PTPRD: variants seen among roughly 807,000 people sequenced by gnomAD.
PTPRD encodes receptor-type tyrosine-protein phosphatase delta.
In PTPRD, 34 loss-of-function variants were observed where a neutral mutation model predicts 214.5. The ratio of observed to expected loss-of-function variants is 0.16; its 90% CI spans 0.12 to 0.21. The LOEUF is 0.21. Among genes scored for constraint, PTPRD ranks in the 10% least tolerant of loss-of-function variants. The probability of loss-of-function intolerance (pLI) is 1.00; values close to 1 mark genes in which losing one functional copy is unlikely to be tolerated. For synonymous variants in PTPRD, 1,128 were observed against 845.7 expected, an observed-to-expected ratio of 1.33 and a Z score of -5.79; for missense variants, 2,545 against 2,398.7, an observed-to-expected ratio of 1.06 and a Z score of -1.27.
chr9:9,354,096 T>A (rs1569567645), intron 9 of PTPRD, among the ~76,000 whole-genome samples: 1 of 151,736 alleles, frequency 6.6e-6, no homozygotes. Context: ...GGAATCCCCA[T>A]TTTGGTGAAT....
intron 7 of PTPRD, among the ~76,000 whole-genome samples, chr9:9,673,841 C>G (rs1164930509): frequency 1.3e-5 from 2 of 151,438 alleles, no homozygotes; most frequent in Non-Finnish European, 3.0e-5. Flanking sequence ...GACAGCATAC[C>G]AAAAGATGTA....
At chr9:10,243,480 T>G (rs1175101758) in intron 3 of PTPRD, among the ~76,000 whole-genome samples, 2 of 152,064 alleles carry the variant, frequency 1.3e-5, no homozygotes, top group African/African-American at 2.4e-5. Context: ...TATTTATGGT[T>G]TGAGTCGTCA....
intron 39 of PTPRD, among the ~76,000 whole-genome samples, chr9:8,363,267 C>A (rs1429223262): frequency 6.6e-6 from 1 of 152,082 alleles, no homozygotes; most frequent in Non-Finnish European, 1.5e-5. Context: ...TTTAAAAAAC[C>A]CAGCATCTTC....
chr9:10,580,601 G>C (rs972384500), intron 2 of PTPRD, among the ~76,000 whole-genome samples: 3 of 152,070 alleles, frequency 2.0e-5, no homozygotes, highest in Non-Finnish European at 4.4e-5. Flanking sequence ...CTAGGTGAAA[G>C]AGTATTAATA....
At chr9:8,776,342 G>A (rs778792713) in intron 11 of PTPRD, among the ~76,000 whole-genome samples, 107 of 152,174 alleles carry the variant, frequency 7.0e-4, no homozygotes, top group African/African-American at 1.8e-3. Flanking sequence ...TACTCACATC[G>A]CCCAGGCTGG....
intron 5 of PTPRD, among the ~76,000 whole-genome samples, chr9:9,894,140 T>G (rs2074254119): frequency 6.6e-6 from 1 of 152,176 alleles, no homozygotes; most frequent in East Asian, 1.9e-4. Flanking sequence ...ATATGTCACA[T>G]GAACACCTCT....
intron 8 of PTPRD, among the ~76,000 whole-genome samples, chr9:9,411,775 C>T (rs903628172): frequency 6.6e-6 from 1 of 152,176 alleles, no homozygotes; most frequent in Non-Finnish European, 1.5e-5. Context: ...ATTCACAACA[C>T]AGAGAATTTC....
intron 3 of PTPRD, among the ~76,000 whole-genome samples, chr9:10,078,205 C>T (rs1046586309): frequency 1.3e-5 from 2 of 151,684 alleles, no homozygotes; most frequent in Admixed American, 6.6e-5. Context: ...AATCATAGAT[C>T]TCAGGGTTAG....
At chr9:10,461,591 C>T (rs952055037) in intron 2 of PTPRD, among the ~76,000 whole-genome samples, 3 of 150,656 alleles carry the variant, frequency 2.0e-5, no homozygotes, top group Admixed American at 1.3e-4. Context: ...CAGAAAAAAA[C>T]ATGTTGCATG....
intron 2 of PTPRD, among the ~76,000 whole-genome samples, chr9:10,351,515 T>A (rs1399257409): frequency 1.3e-5 from 2 of 152,044 alleles, no homozygotes; most frequent in Non-Finnish European, 2.9e-5. Context: ...ATGAAGTGAT[T>A]ACTGACTGCT....
intron 7 of PTPRD, among the ~76,000 whole-genome samples, chr9:9,690,152 C>T (rs1017774622): frequency 4.6e-5 from 7 of 151,730 alleles, no homozygotes; most frequent in Admixed American, 3.3e-4. Context: ...CTCCAGCATT[C>T]GTTATTGCCT....
chr9:8,948,471 A>ATT (rs2099081703), intron 11 of PTPRD, among the ~76,000 whole-genome samples: 3 of 17,050 alleles, frequency 1.8e-4, no homozygotes, highest in African/African-American at 4.7e-4. Flanking sequence ...ATATTTACAT[A>ATT]TATATATATT....
chr9:9,069,180 T>C (rs886757114), intron 10 of PTPRD, among the ~76,000 whole-genome samples: 16 of 152,234 alleles, frequency 1.1e-4, no homozygotes, highest in Non-Finnish European at 2.2e-4. Context: ...CAAGAACTAA[T>C]TTAGTGACAT....
At chr9:8,413,852 T>C (rs2093701203) in intron 35 of PTPRD, among the ~76,000 whole-genome samples, 1 of 152,160 alleles carries the variant, frequency 6.6e-6, no homozygotes, top group Admixed American at 6.5e-5. Flanking sequence ...AGATTAGTAT[T>C]TTTAAATGTA....
chr9:9,182,413 C>T (rs377103938), intron 10 of PTPRD, among the ~76,000 whole-genome samples: 1 of 151,946 alleles, frequency 6.6e-6, no homozygotes, highest in East Asian at 1.9e-4. Context: ...TTTTAAACCT[C>T]ACAGACTTTA....
intron 5 of PTPRD, among the ~76,000 whole-genome samples, chr9:9,872,164 C>G (rs577947802): frequency 1.3e-5 from 2 of 152,218 alleles, no homozygotes; most frequent in African/African-American, 4.8e-5. Flanking sequence ...TTCCCATAAA[C>G]GAAAGGTATC....
chr9:8,753,125 C>A (rs1331342953), intron 11 of PTPRD, among the ~76,000 whole-genome samples: 2 of 152,118 alleles, frequency 1.3e-5, no homozygotes, highest in African/African-American at 4.8e-5. Context: ...AAGTAAGGTA[C>A]GTTATTCTGT....
chr9:9,447,266 A>C (rs1192819697), intron 8 of PTPRD, among the ~76,000 whole-genome samples: 1 of 152,170 alleles, frequency 6.6e-6, no homozygotes, highest in African/African-American at 2.4e-5. Context: ...GAATCAACCT[A>C]AATGTCCAGC....
chr9:9,183,746 C>A (rs968389524), intron 9 of PTPRD, among the ~76,000 whole-genome samples: 1 of 151,990 alleles, frequency 6.6e-6, no homozygotes, highest in African/African-American at 2.4e-5. Context: ...TTCAGAATAT[C>A]CATCCTTTGG....
Sources: allele counts gnomAD v4.1 joint callset (sites outside exome capture counted in the v4.1 genomes callset), GRCh38; gene constraint gnomAD v4.1.1; transcripts MANE v1.5; gene names NCBI Gene and HGNC (gene_info 2026-07-23, HGNC 2026-07-21).